TBC1D5: variants seen among roughly 807,000 people sequenced by gnomAD.
TBC1D5 encodes TBC1 domain family member 5.
TBC1D5 carries 75 observed loss-of-function variants against 100.3 expected under a neutral mutation model. The observed-to-expected ratio is 0.75, with a 90% CI of 0.62 to 0.91. The LOEUF (loss-of-function observed/expected upper bound fraction) is 0.91, where lower values mean the gene tolerates loss of function less well. TBC1D5 is among the 40% of genes least tolerant of loss of function. The probability of loss-of-function intolerance (pLI) is 0.00; values close to 1 mark genes in which losing one functional copy is unlikely to be tolerated. For missense variants in TBC1D5, 910 were observed against 942.4 expected (o/e 0.97, Z 0.45); for synonymous variants, 323 against 325.6 (o/e 0.99, Z 0.09).
intron 2 of TBC1D5, among the ~76,000 whole-genome samples, chr3:17,612,961 G>T (rs1339031585): frequency 6.7e-6 from 1 of 148,628 alleles, no homozygotes; most frequent in African/African-American, 2.5e-5. Context: ...ATGTATACAT[G>T]TGCCATGTTG....
chr3:17,226,014 T>C (rs1351585143), intron 17 of TBC1D5, among the ~76,000 whole-genome samples: 1 of 151,934 alleles, frequency 6.6e-6, no homozygotes, highest in Non-Finnish European at 1.5e-5. Context: ...GCAGGGGTCC[T>C]GGAACCAATC....
At chr3:17,475,696 T>C (rs917070971) in intron 3 of TBC1D5, among the ~76,000 whole-genome samples, 2 of 152,170 alleles carry the variant, frequency 1.3e-5, no homozygotes, top group Admixed American at 6.5e-5. Flanking sequence ...AAGAAATTAT[T>C]TGCACTGCTG....
chr3:17,655,599 A>G (rs1367046464), intron 1 of TBC1D5, among the ~76,000 whole-genome samples: 3 of 152,182 alleles, frequency 2.0e-5, no homozygotes, highest in African/African-American at 7.2e-5. Context: ...GAAAACAATC[A>G]TCTTCATTAA....
At chr3:17,495,904 A>T (rs1166854233) in intron 3 of TBC1D5, among the ~76,000 whole-genome samples, 1 of 152,236 alleles carries the variant, frequency 6.6e-6, no homozygotes, top group Non-Finnish European at 1.5e-5. Context: ...AAACTCTATT[A>T]AAAATTTCCA....
At chr3:17,740,441 T>C (rs1259318915) in exon 1 of TBC1D5, 1 of 151,800 alleles carries the variant, frequency 6.6e-6, no homozygotes, top group South Asian at 2.1e-4. Context: ...GGAATGAAAA[T>C]TATAAAAATT....
At chr3:17,516,829 T>G (rs1344184520) in intron 2 of TBC1D5, among the ~76,000 whole-genome samples, 1 of 152,156 alleles carries the variant, frequency 6.6e-6, no homozygotes, top group African/African-American at 2.4e-5. Context: ...GGTCCTAAAT[T>G]CAGGCTAATG....
At chr3:17,174,005 CAGT>C (rs2067440415) in intron 19 of TBC1D5, among the ~76,000 whole-genome samples, 1 of 152,182 alleles carries the variant, frequency 6.6e-6, no homozygotes, top group Non-Finnish European at 1.5e-5. Flanking sequence ...ATGCAACCTC[CAGT>C]ACATGGTGTG....
At chr3:17,536,061 T>C (rs1576575708) in intron 2 of TBC1D5, among the ~76,000 whole-genome samples, 1 of 152,242 alleles carries the variant, frequency 6.6e-6, no homozygotes, top group East Asian at 1.9e-4. Flanking sequence ...TACTGCAGAT[T>C]AGGAGACAAT....
intron 9 of TBC1D5, among the ~76,000 whole-genome samples, chr3:17,380,840 A>G (rs1436197868): frequency 6.6e-6 from 1 of 152,112 alleles, no homozygotes; most frequent in Non-Finnish European, 1.5e-5. Context: ...CAATTAACTC[A>G]GCAAGACATT....
At chr3:17,166,805 G>C in exon 21 of TBC1D5, 2 of 1,613,988 alleles carry the variant, frequency 1.2e-6, no homozygotes, top group Non-Finnish European at 1.7e-6. Flanking sequence ...CTCTGGCCTT[G>C]GCCTCGGCCC....
chr3:17,251,039 G>A (rs2077124349), intron 16 of TBC1D5, among the ~76,000 whole-genome samples: 1 of 152,150 alleles, frequency 6.6e-6, no homozygotes, highest in Non-Finnish European at 1.5e-5. Context: ...TAATTAATGA[G>A]CAAGCACTGG....
At chr3:17,353,787 T>C (rs181306346) in intron 13 of TBC1D5, among the ~76,000 whole-genome samples, 66 of 152,208 alleles carry the variant, frequency 4.3e-4, no homozygotes, top group Admixed American at 5.9e-4. Flanking sequence ...CAGTGGAGTT[T>C]AACAAACAGA....
chr3:17,406,993 CTACTT>C (rs1381024255), intron 4 of TBC1D5, among the ~76,000 whole-genome samples: 2 of 152,050 alleles, frequency 1.3e-5, no homozygotes, highest in African/African-American at 4.8e-5. Flanking sequence ...TAATAAAAGA[CTACTT>C]TAACTGTTAG....
At chr3:17,340,712 A>T (rs960953714) in intron 13 of TBC1D5, 3 of 152,212 alleles carry the variant, frequency 2.0e-5, no homozygotes, top group Admixed American at 6.5e-5. Context: ...GAGCAGAGGG[A>T]TTATTAAGAG....
At chr3:17,323,373 G>A (rs940615351) in intron 13 of TBC1D5, among the ~76,000 whole-genome samples, 56 of 152,024 alleles carry the variant, frequency 3.7e-4, no homozygotes, top group Non-Finnish European at 6.9e-4. Flanking sequence ...AAATATTAGC[G>A]AATAAATTCA....
chr3:17,627,562 C>A (rs1226511062), intron 1 of TBC1D5, among the ~76,000 whole-genome samples: 1 of 151,776 alleles, frequency 6.6e-6, no homozygotes, highest in Non-Finnish European at 1.5e-5. Context: ...AGAACACAGG[C>A]CCATAAAGAG....
At chr3:17,261,821 CTA>C (rs2078324095) in intron 15 of TBC1D5, among the ~76,000 whole-genome samples, 1 of 150,300 alleles carries the variant, frequency 6.7e-6, no homozygotes, top group Non-Finnish European at 1.5e-5. Context: ...CCACGCTTGG[CTA>C]ATATTTGCTT....
At chr3:17,418,872 T>C (rs2094145152) in intron 4 of TBC1D5, among the ~76,000 whole-genome samples, 1 of 152,186 alleles carries the variant, frequency 6.6e-6, no homozygotes, top group Non-Finnish European at 1.5e-5. Flanking sequence ...TGGCCCTCCA[T>C]ACATGAGATT....
intron 1 of TBC1D5, among the ~76,000 whole-genome samples, chr3:17,670,283 C>T: frequency 6.6e-6 from 1 of 152,184 alleles, no homozygotes; most frequent in Non-Finnish European, 1.5e-5. Flanking sequence ...TGGGCTCGAA[C>T]ACAAATTATT....
Sources: allele counts gnomAD v4.1 joint callset (sites outside exome capture counted in the v4.1 genomes callset), GRCh38; gene constraint gnomAD v4.1.1; transcripts MANE v1.5; gene names NCBI Gene and HGNC (gene_info 2026-07-23, HGNC 2026-07-21).